METTL2A: variants seen among roughly 807,000 people sequenced by gnomAD.
The protein encoded by METTL2A is methyltransferase 2A, tRNA N3-cytidine, also known as tRNA N(3)-cytidine methyltransferase METTL2A.
Under a neutral mutation model 49.4 loss-of-function variants are expected in METTL2A, and 45 were observed. The observed-to-expected ratio is 0.91, with a 90% confidence interval of 0.72 to 1.17. METTL2A has a LOEUF of 1.17. METTL2A is among the 50% of genes most tolerant of loss of function. METTL2A has a pLI of 0.00. For synonymous variants in METTL2A, 118 were observed against 167.5 expected, an observed-to-expected ratio of 0.70 and a Z score of 2.28; for missense variants, 361 against 462.2, an observed-to-expected ratio of 0.78 and a Z score of 2.01.
rs1406647617 is a variant in METTL2A at position 62,450,478 on chromosome 17, A to C, written c.*1749A>C. On this transcript the variant is annotated 3_prime_UTR_variant, in exon 9 of 9. Coordinates refer to ENST00000311506, the MANE Select transcript of METTL2A (RefSeq NM_181725.4). ...TCTGCATTTTTTCAGTTATTTTTAC[A>C]TATTTCTCTCTTGATCCATGCAGTT... 2.0e-5 allele frequency: 3 copies of C among 151,680 alleles called. No individual in the cohort carries two copies. In the South Asian group the frequency reaches 6.2e-4, roughly 31 times the overall value. 9.4% of individuals were successfully genotyped at this position (151,680 alleles called of 1,614,324 possible).
chr17:62,426,198 T>G, intron 2 of METTL2A, 101 bp from the exon 3 acceptor site: 3 of 1,191,986 alleles, frequency 2.5e-6, no homozygotes, highest in Non-Finnish European at 2.3e-6. Context: ...GAGGATACTT[T>G]TAGTATTAAA....
At chr17:62,424,978 C>T (rs1172993325) in intron 2 of METTL2A, among the ~76,000 whole-genome samples, 1 of 149,934 alleles carries the variant, frequency 6.7e-6, no homozygotes, top group African/African-American at 2.5e-5. Context: ...AAAAAGATTC[C>T]AGTTACAAAA....
chr17:62,446,187 G>A (rs1257807833), intron 7 of METTL2A, among the ~76,000 whole-genome samples: 3 of 152,080 alleles, frequency 2.0e-5, no homozygotes, highest in Non-Finnish European at 2.9e-5. Flanking sequence ...GAGTTTTGCC[G>A]TTATTGCCCA....
intron 7 of METTL2A, among the ~76,000 whole-genome samples, chr17:62,446,418 C>T (rs944951041): frequency 7.9e-5 from 12 of 152,100 alleles, no homozygotes; most frequent in African/African-American, 2.9e-4. Context: ...TCAAGCAATT[C>T]TCCTGCCTCA....
At chr17:62,440,048 G>A in intron 5 of METTL2A, among the ~76,000 whole-genome samples, 1 of 142,802 alleles carries the variant, frequency 7.0e-6, no homozygotes, top group East Asian at 2.2e-4. Flanking sequence ...TTTTTTAGAT[G>A]GAGTTTCACT....
rs754863619 is a variant in METTL2A at position 62,444,824 on chromosome 17, T to G, written c.810-13T>G. The stretch of plus-strand genomic sequence containing the variant: ...GGAGACCTGATTGACCGTCATTCCC[T>G]GCTGCTCCACAGGATGCAGAAGGCT... On this transcript the variant is annotated splice_polypyrimidine_tract_variant and intron_variant, in intron 6 of 8. Coordinates refer to ENST00000311506, the MANE Select transcript of METTL2A (RefSeq NM_181725.4). 1.2e-6 allele frequency: 2 copies of G among 1,613,314 alleles called. No individual in the cohort carries two copies. Among genetic ancestry groups the G allele is most frequent in the African/African-American group, 1.3e-5 (1 of 74,904 alleles).
At position 62,424,241 on chromosome 17, in the gene METTL2A, G is replaced by C. The variant is rs1427820639; in HGVS notation, c.133G>C (p.Glu45Gln). The C allele has an allele frequency of 6.2e-7, 1 of 1,614,182 alleles. No individual in the cohort carries two copies. Among genetic ancestry groups the C allele is most frequent in the Admixed American group, 1.7e-5 (1 of 60,024 alleles). Reference sequence around the variant, plus strand: ...CAGGGACAATGTGGAGTGGTCGGAAGAGCAAGCCGCGGCGGCGGAGAGAAA... The same window carrying C: ...CAGGGACAATGTGGAGTGGTCGGAACAGCAAGCCGCGGCGGCGGAGAGAAA... The part of the protein sequence containing the change: ...NAWDNVEWSE[E>Q]QAAAAERKVQ... Residue 45 changes from glutamate (E) to glutamine (Q), a missense_variant, in exon 2 of 9, where the codon GAG (glutamate) becomes CAG (glutamine). Coordinates refer to ENST00000311506, the MANE Select transcript of METTL2A (RefSeq NM_181725.4).
In METTL2A at chr17:62,452,851, C is replaced by T. The variant is rs1226129419; in HGVS notation, c.*4122C>T. Among the ~76,000 whole-genome samples, 1 of 152,138 alleles carries T rather than the reference C, an allele frequency of 6.6e-6. No homozygotes were observed. Among genetic ancestry groups the T allele is most frequent in the African/African-American group, 2.4e-5 (1 of 41,434 alleles). ...TCTTGAACTCCTGAGCTCAAGCAAT[C>T]CTCCCACCTCGGCCTCCCAAAGTGC... On this transcript the variant is annotated 3_prime_UTR_variant, in exon 9 of 9. Transcript: ENST00000311506.
intron 4 of METTL2A, among the ~76,000 whole-genome samples, chr17:62,433,995 A>G (rs940292206): frequency 3.3e-5 from 5 of 152,186 alleles, no homozygotes; most frequent in African/African-American, 1.2e-4. Flanking sequence ...CCAGGAGGCA[A>G]AGACTGCAAT....
At chr17:62,445,170 G>A (rs771259632) in intron 7 of METTL2A, among the ~76,000 whole-genome samples, 1 of 151,894 alleles carries the variant, frequency 6.6e-6, no homozygotes, top group Non-Finnish European at 1.5e-5. Context: ...GAGAGGGATA[G>A]CATTAGCAGA....
Position 62,424,220 on chromosome 17 carries a change from G to T in METTL2A, c.112G>T (p.Asp38Tyr). Reference protein sequence around the residue: ...PARVFHHNAWDNVEWSEEQAA... With the variant: ...PARVFHHNAWYNVEWSEEQAA... ...AAGCTGCCCGTTTGATTTTCTCAGG[G>T]ACAATGTGGAGTGGTCGGAAGAGCA... The change falls in exon 2 of 9, where the codon GAC becomes TAC. Residue 38 changes from aspartate (D) to tyrosine (Y), a missense_variant and splice_region_variant. Coordinates refer to ENST00000311506, the MANE Select transcript of METTL2A (RefSeq NM_181725.4). 1 of 1,614,224 alleles carries T rather than the reference G, an allele frequency of 6.2e-7. No homozygotes were observed. The highest frequency in any genetic ancestry group is 1.3e-5 in the African/African-American group (1 of 75,070).
rs532704161 is a variant in METTL2A, at chr17:62,442,400, C to T, written c.809+1644C>T. Among the ~76,000 whole-genome samples, 63 of 152,134 alleles carry T rather than the reference C, an allele frequency of 4.1e-4. 1 individual carries two copies. Among genetic ancestry groups the T allele is most frequent in the African/African-American group, 1.4e-3 (57 of 41,504 alleles). On this transcript the variant is annotated intron_variant, in intron 6 of 8. Transcript: ENST00000311506. ...AAGCGATTCTCCTGCCTCAGCCTCC[C>T]GAGCAGCTGGGATTACAGACAAGCA...
At chr17:62,446,592 T>C (rs1433469183) in intron 7 of METTL2A, among the ~76,000 whole-genome samples, 1 of 152,196 alleles carries the variant, frequency 6.6e-6, no homozygotes, top group Admixed American at 6.5e-5. Flanking sequence ...GGATTACAGG[T>C]GTGAGCCACT....
chr17:62,449,291 A>G lies in METTL2A; in HGVS notation c.*562A>G, dbSNP rs2070790262. On this transcript the variant is annotated 3_prime_UTR_variant, in exon 9 of 9. Transcript: ENST00000311506. ...ACATACAGAGGTTAGTGAAGGGCTT[A>G]TTAAGTTGTAGGGGAAGCAAGCTGG... 1 of 383,304 alleles carries G rather than the reference A, an allele frequency of 2.6e-6. No individual in the cohort carries two copies. The highest frequency in any genetic ancestry group is 1.9e-5 in the South Asian group (1 of 51,954). The allele number at this position is 383,304 out of a possible 1,614,324, so 23.7% of individuals were successfully genotyped here.
intron 1 of METTL2A, 31 bp from the exon 2 acceptor site, chr17:62,424,188 G>A: frequency 6.2e-7 from 1 of 1,614,136 alleles, no homozygotes; most frequent in Non-Finnish European, 8.5e-7. Flanking sequence ...CAGGACGTGA[G>A]GCCCCTAAGC....
At chr17:62,429,216 C>G (rs888321233) in intron 4 of METTL2A, among the ~76,000 whole-genome samples, 13 of 152,088 alleles carry the variant, frequency 8.5e-5, no homozygotes, top group Non-Finnish European at 1.8e-4. Flanking sequence ...GCTGAAAGTT[C>G]CAATCGGTTT....
Position 62,441,845 on chromosome 17 carries a change from A to G in METTL2A, c.809+1089A>G, listed in dbSNP as rs182388914. Reference sequence around the variant, plus strand: ...AACCTCCACCTCCCGGGTTCAACCAATTCTCCTGCCTCAGCCTCCCAAGCA... The same window carrying G: ...AACCTCCACCTCCCGGGTTCAACCAGTTCTCCTGCCTCAGCCTCCCAAGCA... On this transcript the variant is annotated intron_variant, in intron 6 of 8. Coordinates refer to ENST00000311506, the MANE Select transcript of METTL2A (RefSeq NM_181725.4). Among the ~76,000 whole-genome samples, 553 of 151,472 alleles carry G rather than the reference A, an allele frequency of 3.7e-3. 4 individuals carry two copies. Among genetic ancestry groups the G allele is most frequent in the Middle Eastern group, 0.017 (5 of 294 alleles).
intron 5 of METTL2A, among the ~76,000 whole-genome samples, chr17:62,439,488 C>T (rs903397151): frequency 3.9e-5 from 6 of 152,008 alleles, no homozygotes; most frequent in Admixed American, 3.9e-4. Flanking sequence ...GGCTGGAGTG[C>T]AGTGGTGCCA....
rs2070790921 is a variant in METTL2A, at chr17:62,449,383, G to A, written c.*654G>A. The A allele has an allele frequency of 4.4e-6, 2 of 452,902 alleles. No homozygotes were observed. The highest frequency in any genetic ancestry group is 1.4e-4 in the East Asian group (2 of 14,170). The allele number at this position is 452,902 out of a possible 1,614,324, so 28.1% of individuals were successfully genotyped here. On this transcript the variant is annotated 3_prime_UTR_variant, in exon 9 of 9. Coordinates refer to ENST00000311506, the MANE Select transcript of METTL2A (RefSeq NM_181725.4). ...CCTACAGAGAGCATCAAAATGTGGT[G>A]TTCTTGTTAAGTAATTGATCGTGGT...
Sources: allele counts gnomAD v4.1 joint callset (sites outside exome capture counted in the v4.1 genomes callset), GRCh38; gene constraint gnomAD v4.1.1; transcripts MANE v1.5; gene names NCBI Gene and HGNC (gene_info 2026-07-23, HGNC 2026-07-21).